Variants in NRXN3 observed in about 807,000 individuals in gnomAD.
NRXN3 encodes neurexin 3, also known as neurexin III.
NRXN3 carries 32 observed loss-of-function variants against 137.6 expected under a neutral mutation model. The ratio of observed to expected loss-of-function variants is 0.23; its 90% confidence interval spans 0.18 to 0.31. The LOEUF (loss-of-function observed/expected upper bound fraction) is 0.31. Among genes scored for constraint, NRXN3 ranks in the 10% least tolerant of loss-of-function variants. The probability of loss-of-function intolerance (pLI) is 1.00; values close to 1 mark genes in which losing one functional copy is unlikely to be tolerated. For synonymous variants in NRXN3, 798 were observed against 784.5 expected, an observed-to-expected ratio of 1.02 and a Z score of -0.29; for missense variants, 1,574 against 2,062.5, an observed-to-expected ratio of 0.76 and a Z score of 4.59.
At chr14:78,803,587 A>G (rs755585960) in intron 8 of NRXN3, 33 bp from the exon 9 acceptor site, 2 of 1,605,296 alleles carry the variant, frequency 1.2e-6, no homozygotes, top group East Asian at 2.2e-5. Context: ...GACATCCGTC[A>G]TCCTAACGAT....
intron 15 of NRXN3, among the ~76,000 whole-genome samples, chr14:79,264,892 A>G (rs764495969): frequency 1.3e-5 from 2 of 152,162 alleles, no homozygotes; most frequent in African/African-American, 2.4e-5. Context: ...TTTATCTGCT[A>G]CTATGCTTAC....
At chr14:79,601,484 G>A (rs113932265) in intron 16 of NRXN3, among the ~76,000 whole-genome samples, 2 of 152,212 alleles carry the variant, frequency 1.3e-5, no homozygotes, top group African/African-American at 4.8e-5. Flanking sequence ...AATAGCCTGA[G>A]CTTACCTCAC....
At chr14:79,600,212 A>T (rs1022950560) in intron 16 of NRXN3, among the ~76,000 whole-genome samples, 1 of 152,138 alleles carries the variant, frequency 6.6e-6, no homozygotes, top group Non-Finnish European at 1.5e-5. Flanking sequence ...TGCTATGTCT[A>T]CTTATAGGAG....
intron 4 of NRXN3, among the ~76,000 whole-genome samples, chr14:78,435,871 T>C (rs936047367): frequency 1.3e-5 from 2 of 152,254 alleles, no homozygotes; most frequent in African/African-American, 4.8e-5. Context: ...CAAGCCTCCA[T>C]CTGCTGACTT....
chr14:79,429,281 C>T (rs1183775686), intron 15 of NRXN3, among the ~76,000 whole-genome samples: 1 of 152,182 alleles, frequency 6.6e-6, no homozygotes, highest in East Asian at 1.9e-4. Flanking sequence ...AGGCGACCCA[C>T]TTTTCCTATT....
intron 15 of NRXN3, among the ~76,000 whole-genome samples, chr14:79,076,714 C>CA (rs1300067051): frequency 1.3e-5 from 2 of 152,136 alleles, no homozygotes; most frequent in African/African-American, 2.4e-5. Context: ...AGGGAATAAT[C>CA]AAGGGTATGA....
At chr14:78,392,127 C>A (rs898027103) in intron 4 of NRXN3, among the ~76,000 whole-genome samples, 6 of 152,052 alleles carry the variant, frequency 3.9e-5, no homozygotes, top group Admixed American at 2.6e-4. Context: ...ATGAGAAATG[C>A]GGTTTGATAA....
chr14:79,418,084 G>C (rs1397755046), intron 15 of NRXN3, among the ~76,000 whole-genome samples: 1 of 152,080 alleles, frequency 6.6e-6, no homozygotes, highest in East Asian at 1.9e-4. Context: ...GATAAAGAAA[G>C]AAAGAACATC....
chr14:78,996,685 T>C (rs576158980), intron 15 of NRXN3, among the ~76,000 whole-genome samples: 103 of 152,196 alleles, frequency 6.8e-4, no homozygotes, highest in African/African-American at 1.5e-3. Context: ...GCAGGTTTGG[T>C]ACATCTAAGC....
At chr14:79,817,227 A>G (rs1302415663) in intron 20 of NRXN3, among the ~76,000 whole-genome samples, 2 of 151,972 alleles carry the variant, frequency 1.3e-5, no homozygotes, top group Admixed American at 1.3e-4. Context: ...TAATTTTTGT[A>G]TTTTTAGTAG....
intron 15 of NRXN3, among the ~76,000 whole-genome samples, chr14:79,126,234 T>A (rs958223964): frequency 2.8e-4 from 42 of 152,176 alleles, no homozygotes; most frequent in African/African-American, 1.0e-3. Context: ...TGCAGGTTAG[T>A]TACCTATGTA....
At chr14:78,921,634 C>G (rs2099271158) in intron 10 of NRXN3, among the ~76,000 whole-genome samples, 1 of 152,054 alleles carries the variant, frequency 6.6e-6, no homozygotes, top group Non-Finnish European at 1.5e-5. Context: ...GTGGAGGAAC[C>G]AGGAAAGATT....
chr14:78,621,417 A>G (rs1186473665), intron 4 of NRXN3, among the ~76,000 whole-genome samples: 2 of 152,230 alleles, frequency 1.3e-5, no homozygotes, highest in Non-Finnish European at 2.9e-5. Flanking sequence ...GGATCAAATC[A>G]GTAAATTACT....
Position 79,569,943 on chromosome 14 carries a change from G to T in NRXN3, c.3445-93835G>T, listed in dbSNP as rs183116234. Among the ~76,000 whole-genome samples the T allele has an allele frequency of 1.1e-4, 16 of 152,210 alleles. No homozygotes were observed. In the East Asian group the frequency reaches 2.1e-3, roughly 20 times the overall value. On this transcript the variant is annotated intron_variant, in intron 16 of 20. Coordinates refer to ENST00000335750, the MANE Select transcript of NRXN3 (RefSeq NM_001330195.2). The stretch of plus-strand genomic sequence containing the variant: ...TATTTTAATGTCTGAAAAAAAAGAA[G>T]AATCTACTTTAAACATCACCAGAAG...
intron 6 of NRXN3, among the ~76,000 whole-genome samples, chr14:78,667,507 A>G (rs931078428): frequency 6.6e-6 from 1 of 152,222 alleles, no homozygotes; most frequent in Non-Finnish European, 1.5e-5. Flanking sequence ...GCAATGCTGT[A>G]TATAATATCA....
At chr14:79,283,550 A>G (rs1377129538) in intron 15 of NRXN3, among the ~76,000 whole-genome samples, 1 of 152,180 alleles carries the variant, frequency 6.6e-6, no homozygotes, top group South Asian at 2.1e-4. Context: ...AGATTTGCTT[A>G]AAGCCTTTAT....
At chr14:79,389,372 C>T (rs1388338700) in intron 15 of NRXN3, among the ~76,000 whole-genome samples, 1 of 152,168 alleles carries the variant, frequency 6.6e-6, no homozygotes, top group Non-Finnish European at 1.5e-5. Flanking sequence ...AGATCCATTC[C>T]TTGATAACCA....
intron 15 of NRXN3, among the ~76,000 whole-genome samples, chr14:79,254,558 T>C (rs930947794): frequency 2.6e-5 from 4 of 152,186 alleles, no homozygotes; most frequent in African/African-American, 9.6e-5. Flanking sequence ...CTCACTTATG[T>C]TGACATTGTG....
chr14:78,173,758 A>G (rs912992394), intron 1 of NRXN3, among the ~76,000 whole-genome samples: 10 of 115,808 alleles, frequency 8.6e-5, no homozygotes, highest in African/African-American at 3.5e-4. Flanking sequence ...CCTTTCCTAC[A>G]TGCCACACGG....
Sources: allele counts gnomAD v4.1 joint callset (sites outside exome capture counted in the v4.1 genomes callset), GRCh38; gene constraint gnomAD v4.1.1; transcripts MANE v1.5; gene names NCBI Gene and HGNC (gene_info 2026-07-23, HGNC 2026-07-21).